The following GRAMD1B variants were observed in gnomAD, a reference collection of about 807,000 sequenced individuals.
The protein encoded by GRAMD1B is GRAM domain containing 1B, also known as protein Aster-B.
In GRAMD1B, 37 loss-of-function variants were observed where a neutral mutation model predicts 99.7. That is an observed-to-expected ratio of 0.37 (90% CI 0.29 to 0.49). The LOEUF (loss-of-function observed/expected upper bound fraction) is 0.49, where lower values mean the gene tolerates loss of function less well. Among genes scored for constraint, GRAMD1B ranks in the 20% least tolerant of loss-of-function variants. GRAMD1B has a pLI of 0.98. For synonymous variants in GRAMD1B, 427 were observed against 387.6 expected (o/e 1.10, Z -1.19); for missense variants, 888 against 1,009.2 (o/e 0.88, Z 1.63).
intron 7 of GRAMD1B, among the ~76,000 whole-genome samples, chr11:123,597,256 CTTTTTTTTTTTTTTTTT>C (rs71060518): frequency 0.23 from 18,033 of 77,874 alleles, 1,664 homozygotes; most frequent in East Asian, 0.43. Flanking sequence ...GCCACTATGC[CTTTTTTTTTTTTTTTTT>C]TTTTTTTTTT....
intron 2 of GRAMD1B, among the ~76,000 whole-genome samples, chr11:123,570,429 T>TC (rs796866425): frequency 1.5e-3 from 226 of 148,630 alleles, no homozygotes; most frequent in Middle Eastern, 6.9e-3. Flanking sequence ...TTCTTTTTTT[T>TC]TTTTTTTTTT....
chr11:123,451,342 C>G (rs891091329), intron 1 of GRAMD1B, among the ~76,000 whole-genome samples: 2 of 152,148 alleles, frequency 1.3e-5, no homozygotes, highest in Admixed American at 1.3e-4. Context: ...AGTAGACCCA[C>G]CTGGCACTTA....
Position 123,594,760 on chromosome 11 carries a change from C to T in GRAMD1B, c.795C>T (p.Asp265=). The T allele has an allele frequency of 1.3e-6, 2 of 1,596,546 alleles. No homozygotes were observed. Among genetic ancestry groups the T allele is most frequent in the Non-Finnish European group, 1.7e-6 (2 of 1,164,032 alleles). ...ATTACTCATGTGCACTCCAAAGAGA[C>T]ATTCTCCTTCAGGGCCGACTCTACC... ...IVDYSCALQR[D]ILLQGRLYLS... Residue 265 remains aspartate (D), a synonymous_variant, in exon 6 of 20, where the codon GAC becomes GAT. Transcript: ENST00000635736.
chr11:123,535,756 G>A lies in GRAMD1B; in HGVS notation c.453-41611G>A, dbSNP rs543105943. ...TAAAGATGAACATTGTCTGTTCACCGTTCAGTTAAGCATTAGAACATTGCC... is the reference window on the plus strand; with the variant it reads ...TAAAGATGAACATTGTCTGTTCACCATTCAGTTAAGCATTAGAACATTGCC... On this transcript the variant is annotated intron_variant, in intron 2 of 19. Transcript: ENST00000635736. Among the ~76,000 whole-genome samples, 6 of 152,238 alleles carry A rather than the reference G, an allele frequency of 3.9e-5. No homozygotes were observed. The South Asian group carries it at 6.2e-4, about 16-fold the overall frequency.
At chr11:123,438,085 A>G (rs1393014881) in intron 1 of GRAMD1B, among the ~76,000 whole-genome samples, 3 of 152,132 alleles carry the variant, frequency 2.0e-5, no homozygotes, top group Admixed American at 2.0e-4. Flanking sequence ...ACTGGCAAAA[A>G]CTTCCACCAG....
intron 11 of GRAMD1B, among the ~76,000 whole-genome samples, chr11:123,607,486 T>G (rs1341044626): frequency 3.3e-5 from 5 of 152,232 alleles, no homozygotes; most frequent in Non-Finnish European, 4.4e-5. Flanking sequence ...TGTGGATCTG[T>G]GGACACCTCT....
intron 2 of GRAMD1B, among the ~76,000 whole-genome samples, chr11:123,562,195 A>C (rs950846929): frequency 2.6e-5 from 4 of 152,082 alleles, no homozygotes; most frequent in African/African-American, 9.7e-5. Context: ...TTTAATAATA[A>C]TTTTTTTAAA....
intron 1 of GRAMD1B, among the ~76,000 whole-genome samples, chr11:123,399,935 A>G (rs890941832): frequency 2.0e-5 from 3 of 152,278 alleles, no homozygotes; most frequent in Admixed American, 6.5e-5. Context: ...TTACAATAGC[A>G]TCCTAACTTG....
At position 123,437,408 on chromosome 11, in the gene GRAMD1B, G is replaced by A. The variant is rs546991642; in HGVS notation, c.374+6242G>A. On this transcript the variant is annotated intron_variant, in intron 1 of 19. Coordinates refer to ENST00000635736, the MANE Select transcript of GRAMD1B (RefSeq NM_001387025.1). Reference sequence around the variant, plus strand: ...TCTTCTTGTCATCACTCTCTGGAGGGGGAAGGGAAAGCTGACGACGGGTGA... The same window carrying A: ...TCTTCTTGTCATCACTCTCTGGAGGAGGAAGGGAAAGCTGACGACGGGTGA... Among the ~76,000 whole-genome samples, 6 of 152,286 alleles carry A rather than the reference G, an allele frequency of 3.9e-5. No individual in the cohort carries two copies. The East Asian group carries it at 9.6e-4, about 24-fold the overall frequency.
chr11:123,400,614 T>C (rs1452387673), intron 1 of GRAMD1B, among the ~76,000 whole-genome samples: 2 of 152,192 alleles, frequency 1.3e-5, no homozygotes, highest in South Asian at 4.1e-4. Flanking sequence ...TGTCCTCATG[T>C]GCAGAAGTGG....
At chr11:123,586,910 C>T (rs779198165) in intron 4 of GRAMD1B, among the ~76,000 whole-genome samples, 9 of 152,212 alleles carry the variant, frequency 5.9e-5, no homozygotes, top group East Asian at 1.9e-4. Flanking sequence ...TTACACTAGA[C>T]GTCCTTCAGA....
intron 2 of GRAMD1B, among the ~76,000 whole-genome samples, chr11:123,538,664 G>T (rs1345701595): frequency 1.3e-5 from 2 of 151,812 alleles, no homozygotes; most frequent in Non-Finnish European, 2.9e-5. Flanking sequence ...TCTGTCGCCA[G>T]GTTAGAGTGC....
At position 123,430,861 on chromosome 11, in the gene GRAMD1B, G is replaced by A. The variant is rs1159255002; in HGVS notation, c.69G>A (p.Ala23=). 3.0e-5 allele frequency: 21 copies of A among 701,394 alleles called. No individual in the cohort carries two copies. The highest frequency in any genetic ancestry group is 2.4e-4 in the Middle Eastern group (1 of 4,096). The allele number at this position is 701,394 out of a possible 1,614,324, so 43.4% of individuals were successfully genotyped here. Residue 23 remains alanine (A), a synonymous_variant, in exon 1 of 20, where the codon GCG becomes GCA. Coordinates refer to ENST00000635736, the MANE Select transcript of GRAMD1B (RefSeq NM_001387025.1). The part of the protein sequence containing the change: ...PALQVPEPQG[A]PEGSPVWSSS... ...TGCAGGTGCCCGAGCCGCAGGGTGC[G>A]CCCGAGGGCAGCCCGGTCTGGTCCA...
At chr11:123,500,313 C>T (rs996610930) in intron 2 of GRAMD1B, among the ~76,000 whole-genome samples, 3 of 152,142 alleles carry the variant, frequency 2.0e-5, no homozygotes, top group African/African-American at 4.8e-5. Flanking sequence ...CAGAGCAAGA[C>T]TCCATCTCTC....
rs1409212256 is a variant in GRAMD1B at position 123,531,828 on chromosome 11, C to T, written c.453-45539C>T. ...TCGGCTCACCTCAACCTCCGCCTCC[C>T]GGGTTCAAGTGATTCTCCTGCCTCA... On this transcript the variant is annotated intron_variant, in intron 2 of 19. Coordinates refer to ENST00000635736, the MANE Select transcript of GRAMD1B (RefSeq NM_001387025.1). 7.3e-5 allele frequency among the ~76,000 whole-genome samples: 11 copies of T among 150,846 alleles called. No individual in the cohort carries two copies. The South Asian group carries it at 1.7e-3, about 23-fold the overall frequency.
intron 2 of GRAMD1B, among the ~76,000 whole-genome samples, chr11:123,505,365 G>T (rs1368168168): frequency 6.6e-6 from 1 of 152,064 alleles, no homozygotes; most frequent in Non-Finnish European, 1.5e-5. Flanking sequence ...AAAACAGCAG[G>T]TGGGTTTGAC....
chr11:123,458,645 T>G (rs985101358), intron 1 of GRAMD1B: 1 of 151,752 alleles, frequency 6.6e-6, no homozygotes, highest in African/African-American at 2.4e-5. Context: ...TTTTGATTTA[T>G]AGGATGAACA....
chr11:123,591,250 G>A lies in GRAMD1B; in HGVS notation c.685-2832G>A, dbSNP rs899349934. ...AGGAGCAGAAAGGACACCTGTCAGA[G>A]TCACACAGGCCCTCTGCTGAGAAAC... On this transcript the variant is annotated intron_variant, in intron 4 of 19. Coordinates refer to ENST00000635736, the MANE Select transcript of GRAMD1B (RefSeq NM_001387025.1). The surrounding 1 kb of genome is among the most constrained non-coding windows in gnomAD (Gnocchi z 4.7). The A allele has an allele frequency of 2.5e-5, 10 of 395,930 alleles. No individual in the cohort carries two copies. Among genetic ancestry groups the A allele is most frequent in the Non-Finnish European group, 4.0e-5 (9 of 224,770 alleles). 24.5% of individuals were successfully genotyped at this position (395,930 alleles called of 1,614,324 possible). A position where few individuals can be genotyped will look rare whatever the true frequency, so the allele number is the denominator to read the frequency against.
In GRAMD1B at chr11:123,476,927, A is replaced by G. The variant is rs183871682; in HGVS notation, c.375-3889A>G. 5.3e-5 allele frequency among the ~76,000 whole-genome samples: 8 copies of G among 152,322 alleles called. No homozygotes were observed. In the South Asian group the frequency reaches 1.2e-3, roughly 24 times the overall value. ...GTTCCCATAGCACTTAATACATAGT[A>G]TTGAGAGTTATCATTTTTCTGCTTT... On this transcript the variant is annotated intron_variant, in intron 1 of 19. Coordinates refer to ENST00000635736, the MANE Select transcript of GRAMD1B (RefSeq NM_001387025.1).
Sources: allele counts gnomAD v4.1 joint callset (sites outside exome capture counted in the v4.1 genomes callset), GRCh38; gene constraint gnomAD v4.1.1; non-coding constraint Gnocchi (gnomAD v3.1); transcripts MANE v1.5; gene names NCBI Gene and HGNC (gene_info 2026-07-23, HGNC 2026-07-21).